CAMTA1: variants seen among roughly 807,000 people sequenced by gnomAD.
CAMTA1 encodes calmodulin-binding transcription activator 1.
CAMTA1 carries 27 observed loss-of-function variants against 170.9 expected under a neutral mutation model. The observed-to-expected ratio is 0.16, with a 90% CI of 0.12 to 0.22. CAMTA1 has a LOEUF of 0.22. Ranked by LOEUF, CAMTA1 falls within the 10% of genes least tolerant of loss-of-function variation. CAMTA1 has a pLI of 1.00. For missense variants in CAMTA1, 1,619 were observed against 2,217.2 expected (o/e 0.73, Z 5.42); for synonymous variants, 833 against 891.5 (o/e 0.93, Z 1.17).
chr1:7,353,335 A>G (rs1191784958), intron 5 of CAMTA1, among the ~76,000 whole-genome samples: 6 of 151,948 alleles, frequency 3.9e-5, no homozygotes, highest in African/African-American at 1.5e-4. Context: ...AGACTCCTGC[A>G]TCTAGCCACC....
intron 5 of CAMTA1, among the ~76,000 whole-genome samples, chr1:7,440,203 G>GTGTCCACTT (rs1414477695): frequency 3.3e-5 from 5 of 152,266 alleles, no homozygotes; most frequent in Non-Finnish European, 7.3e-5. Flanking sequence ...GTGGGGAGAG[G>GTGTCCACTT]TGTCCACTTT....
intron 6 of CAMTA1, among the ~76,000 whole-genome samples, chr1:7,479,938 TATGA>T (rs1434389680): frequency 1.6e-4 from 5 of 31,986 alleles, no homozygotes; most frequent in South Asian, 6.5e-4. Context: ...TATATGTGTG[TATGA>T]GTGTATGTCA....
chr1:7,236,356 G>A, intron 4 of CAMTA1, among the ~76,000 whole-genome samples: 1 of 152,356 alleles, frequency 6.6e-6, no homozygotes, highest in South Asian at 2.1e-4. Context: ...TGCAACAAAA[G>A]GAAGAACTAC....
intron 4 of CAMTA1, among the ~76,000 whole-genome samples, chr1:7,151,001 T>C (rs1002908766): frequency 5.9e-5 from 9 of 152,226 alleles, no homozygotes; most frequent in Admixed American, 4.6e-4. Flanking sequence ...CGAAAATTAA[T>C]GCCACAGATG....
chr1:6,786,703 G>T (rs10864639), intron 1 of CAMTA1, among the ~76,000 whole-genome samples: 15,578 of 152,102 alleles, frequency 0.1, 909 homozygotes, highest in East Asian at 0.26. Context: ...TTCTTATGGA[G>T]ACAACTGGAC....
rs542077172 is a variant in CAMTA1 at position 7,613,930 on chromosome 1, G to A, written c.511-26470G>A. On this transcript the variant is annotated intron_variant, in intron 6 of 22. Coordinates refer to ENST00000303635, the MANE Select transcript of CAMTA1 (RefSeq NM_015215.4). The stretch of plus-strand genomic sequence containing the variant: ...TGTCAGGTGGGAGGAGAGAGATGGT[G>A]GGGGGGCAGGTCAGACCTGGAGGGG... Among the ~76,000 whole-genome samples, 6 of 149,088 alleles carry A rather than the reference G, an allele frequency of 4.0e-5. No individual in the cohort carries two copies. In the South Asian group the frequency reaches 6.5e-4, roughly 16 times the overall value.
intron 3 of CAMTA1, chr1:6,853,187 A>T (rs1661071089): frequency 6.6e-6 from 1 of 152,236 alleles, no homozygotes; most frequent in Non-Finnish European, 1.5e-5. Flanking sequence ...GAGAAATAAG[A>T]TGGTAAATGT....
intron 6 of CAMTA1, among the ~76,000 whole-genome samples, chr1:7,567,247 G>A (rs1432222617): frequency 1.3e-5 from 2 of 152,200 alleles, no homozygotes; most frequent in Admixed American, 1.3e-4. Flanking sequence ...GAAGCATGGA[G>A]GGCAGGCCCT....
chr1:7,766,403 TG>T, intron 22 of CAMTA1, 55 bp from the exon 23 acceptor site: 1 of 1,574,144 alleles, frequency 6.4e-7, no homozygotes, highest in Non-Finnish European at 8.7e-7. Flanking sequence ...TTCCTTTACT[TG>T]GTCACAATTC....
intron 11 of CAMTA1, among the ~76,000 whole-genome samples, chr1:7,683,879 C>T (rs1218327479): frequency 1.3e-5 from 2 of 152,228 alleles, no homozygotes; most frequent in South Asian, 2.1e-4. Flanking sequence ...GGGTGGGAGT[C>T]GCATCAGCAT....
chr1:7,724,842 G>C (rs12028339), intron 11 of CAMTA1, among the ~76,000 whole-genome samples: 1 of 148,530 alleles, frequency 6.7e-6, no homozygotes, highest in Non-Finnish European at 1.5e-5. Context: ...AAAAAAGATC[G>C]CATGTATTAG....
intron 5 of CAMTA1, among the ~76,000 whole-genome samples, chr1:7,415,874 G>A (rs2091128761): frequency 6.6e-6 from 1 of 152,124 alleles, no homozygotes; most frequent in Admixed American, 6.6e-5. Context: ...TTACAATTTG[G>A]CATGTTTTTG....
intron 21 of CAMTA1, among the ~76,000 whole-genome samples, chr1:7,753,349 G>A (rs1314012604): frequency 6.6e-6 from 1 of 152,160 alleles, no homozygotes; most frequent in Admixed American, 6.5e-5. Context: ...CTGTAACTGC[G>A]GCCATCCGAG....
Position 7,748,083 on chromosome 1 carries a change from T to C in CAMTA1, c.4689+302T>C, listed in dbSNP as rs1199906525. ...GTGTGCTACCATGCCCAGCTGATTTTTCTAGTTTTAGTAGAGTCGGGGTTT... is the reference window on the plus strand; with the variant it reads ...GTGTGCTACCATGCCCAGCTGATTTCTCTAGTTTTAGTAGAGTCGGGGTTT... On this transcript the variant is annotated intron_variant, in intron 19 of 22. Coordinates refer to ENST00000303635, the MANE Select transcript of CAMTA1 (RefSeq NM_015215.4). The surrounding 1 kb of genome is among the most constrained non-coding windows in gnomAD (Gnocchi z 4.7). Among the ~76,000 whole-genome samples, 7 of 152,086 alleles carry C rather than the reference T, an allele frequency of 4.6e-5. No homozygotes were observed. In the East Asian group the frequency reaches 1.3e-3, roughly 29 times the overall value.
intron 3 of CAMTA1, among the ~76,000 whole-genome samples, chr1:6,877,222 A>G (rs1670166798): frequency 1.3e-5 from 2 of 152,316 alleles, no homozygotes; most frequent in Admixed American, 6.5e-5. Flanking sequence ...AACAAATGAT[A>G]GAAGGTTAGG....
intron 16 of CAMTA1, among the ~76,000 whole-genome samples, chr1:7,741,665 T>C (rs934926996): frequency 1.3e-5 from 2 of 151,616 alleles, no homozygotes; most frequent in Non-Finnish European, 2.9e-5. Context: ...GAGGCCAAGG[T>C]GGGAGGATCA....
rs145103240 is a variant in CAMTA1 at position 7,712,463 on chromosome 1, G to A, written c.2915-19985G>A. ...AGCCTCCCAAGTAACAGGGACCACA[G>A]GTGTGCATCACTGTGCCTGGCTAGT... On this transcript the variant is annotated intron_variant, in intron 11 of 22. Transcript: ENST00000303635. Among the ~76,000 whole-genome samples the A allele has an allele frequency of 8.8e-3, 1,345 of 152,142 alleles. 14 individuals are homozygous for A. The highest frequency in any genetic ancestry group is 0.029 in the African/African-American group (1,217 of 41,488).
At chr1:6,822,129 A>G (rs17029909) in intron 2 of CAMTA1, among the ~76,000 whole-genome samples, 30,626 of 152,168 alleles carry the variant, frequency 0.2, 3,952 homozygotes, top group Admixed American at 0.33. Context: ...TCAAAGTTCA[A>G]CTATTTGTAT....
intron 4 of CAMTA1, among the ~76,000 whole-genome samples, chr1:7,169,583 T>C (rs939190571): frequency 6.6e-6 from 1 of 152,156 alleles, no homozygotes; most frequent in Non-Finnish European, 1.5e-5. Flanking sequence ...CAGATCTCAG[T>C]TCACTGCAAT....
Sources: gnomAD v4.1 joint callset for allele counts (sites outside exome capture counted in the v4.1 genomes callset) on GRCh38, gnomAD v4.1.1 for gene constraint, Gnocchi (gnomAD v3.1) non-coding constraint, MANE v1.5 for transcripts, NCBI Gene and HGNC (gene_info 2026-07-23, HGNC 2026-07-21) for gene names.